The following CNTN6 variants were observed in gnomAD, a reference collection of about 807,000 sequenced individuals.
The protein encoded by CNTN6 is contactin 6.
CNTN6 carries 137 observed loss-of-function variants against 122.8 expected under a neutral mutation model. The observed-to-expected ratio is 1.12, with a 90% confidence interval of 0.97 to 1.29. The LOEUF (loss-of-function observed/expected upper bound fraction) is 1.29, where lower values mean the gene tolerates loss of function less well. Ranked by LOEUF, CNTN6 falls within the 50% of genes most tolerant of loss-of-function variation. The probability of loss-of-function intolerance (pLI) is 0.00; values close to 1 mark genes in which losing one functional copy is unlikely to be tolerated. For missense variants in CNTN6, 1,634 were observed against 1,223.4 expected (o/e 1.34, Z -5.01); for synonymous variants, 570 against 426.0 (o/e 1.34, Z -4.16).
chr3:1,159,303 T>A (rs533927389), intron 2 of CNTN6, among the ~76,000 whole-genome samples: 11 of 151,858 alleles, frequency 7.2e-5, no homozygotes, highest in African/African-American at 2.4e-4. Flanking sequence ...TACTAAGTGA[T>A]TAAAGGTGGG....
rs761410258 is a variant in CNTN6 at position 1,321,838 on chromosome 3, A to C, written c.946+4A>C. ...AAGGGTCAACTCATTTTTTATGGTG[A>C]GCTAATTGGATTTCAAATATATATA... On this transcript the variant is annotated splice_donor_region_variant and intron_variant, in intron 8 of 22. Transcript: ENST00000446702. 6.3e-7 allele frequency: 1 copy of C among 1,593,530 alleles called. No individual in the cohort carries two copies. Among genetic ancestry groups the C allele is most frequent in the Non-Finnish European group, 8.5e-7 (1 of 1,171,132 alleles).
chr3:1,404,209 G>A lies in CNTN6; in HGVS notation c.*791G>A, dbSNP rs562535759. 1 of 152,178 alleles carries A rather than the reference G, an allele frequency of 6.6e-6. No homozygotes were observed. The highest frequency in any genetic ancestry group is 1.9e-4 in the East Asian group (1 of 5,178). The allele number at this position is 152,178 out of a possible 1,614,324, so 9.4% of individuals were successfully genotyped here. A position where few individuals can be genotyped will look rare whatever the true frequency, so the allele number is the denominator to read the frequency against. ...CTTATTTTTATAATAAAACAATGTGGAAACAGAATTATTTGATCAAGTTTT... is the reference window on the plus strand; with the variant it reads ...CTTATTTTTATAATAAAACAATGTGAAAACAGAATTATTTGATCAAGTTTT... On this transcript the variant is annotated 3_prime_UTR_variant, in exon 23 of 23. Transcript: ENST00000446702.
intron 7 of CNTN6, among the ~76,000 whole-genome samples, chr3:1,318,261 A>G (rs1342788190): frequency 6.6e-6 from 1 of 151,706 alleles, no homozygotes; most frequent in Admixed American, 6.6e-5. Context: ...CTGCAGAGCA[A>G]TAAGTTCTCA....
chr3:1,307,610 C>A (rs580407), intron 7 of CNTN6, among the ~76,000 whole-genome samples: 3 of 151,910 alleles, frequency 2.0e-5, no homozygotes, highest in South Asian at 2.1e-4. Flanking sequence ...TTATGCCCTT[C>A]TATTCCAAGA....
intron 11 of CNTN6, among the ~76,000 whole-genome samples, chr3:1,333,192 G>T (rs918398262): frequency 6.6e-6 from 1 of 151,890 alleles, no homozygotes; most frequent in African/African-American, 2.4e-5. Context: ...TGCACATAAA[G>T]GTTGACTGGG....
Position 1,306,409 on chromosome 3 carries a change from C to G in CNTN6, c.761+8418C>G, listed in dbSNP as rs146086902. Among the ~76,000 whole-genome samples, 7 of 152,228 alleles carry G rather than the reference C, an allele frequency of 4.6e-5. No homozygotes were observed. In the East Asian group the frequency reaches 7.7e-4, roughly 17 times the overall value. ...ATCTGAGAACTAAAAAATCTTCAAG[C>G]CAATTATTCAGAAATTGAAAGATAA... On this transcript the variant is annotated intron_variant, in intron 7 of 22. Transcript: ENST00000446702.
At chr3:1,143,667 AC>A (rs1323850846) in intron 1 of CNTN6, among the ~76,000 whole-genome samples, 2 of 152,288 alleles carry the variant, frequency 1.3e-5, no homozygotes, top group African/African-American at 4.8e-5. Context: ...GGCAATTTAA[AC>A]TTTCACAAAT....
At chr3:1,276,495 G>T (rs3772316) in intron 4 of CNTN6, among the ~76,000 whole-genome samples, 3 of 151,920 alleles carry the variant, frequency 2.0e-5, no homozygotes, top group Non-Finnish European at 4.4e-5. Flanking sequence ...TGTATTGTAC[G>T]TACATAGCTC....
chr3:1,216,052 TC>T (rs2094126173), intron 2 of CNTN6, among the ~76,000 whole-genome samples: 1 of 152,186 alleles, frequency 6.6e-6, no homozygotes, highest in Admixed American at 6.5e-5. Flanking sequence ...GTAGCACTTT[TC>T]TAATGGGCTT....
intron 17 of CNTN6, among the ~76,000 whole-genome samples, chr3:1,379,148 A>C (rs1220602752): frequency 2.0e-5 from 3 of 151,994 alleles, no homozygotes; most frequent in African/African-American, 7.3e-5. Context: ...CCCAAATGCT[A>C]TGCATTCATT....
At chr3:1,239,625 T>C (rs2094458954) in intron 4 of CNTN6, among the ~76,000 whole-genome samples, 1 of 152,138 alleles carries the variant, frequency 6.6e-6, no homozygotes, top group Non-Finnish European at 1.5e-5. Flanking sequence ...GTCAGTGCAA[T>C]TCCCATCAAG....
Position 1,329,771 on chromosome 3 carries a change from G to A in CNTN6, c.1214-14G>A, listed in dbSNP as rs373082517. 1.9e-5 allele frequency: 31 copies of A among 1,599,108 alleles called. No individual in the cohort carries two copies. Among genetic ancestry groups the A allele is most frequent in the Middle Eastern group, 1.7e-4 (1 of 5,974 alleles). ...TGAGTAATTAAACAATTTTGTCTTTGATTTTGTTTTTAGCCTCAGCTCCAG... is the reference window on the plus strand; with the variant it reads ...TGAGTAATTAAACAATTTTGTCTTTAATTTTGTTTTTAGCCTCAGCTCCAG... On this transcript the variant is annotated splice_polypyrimidine_tract_variant and intron_variant, in intron 10 of 22. Transcript: ENST00000446702.
intron 12 of CNTN6, among the ~76,000 whole-genome samples, chr3:1,368,900 C>T (rs766059937): frequency 1.2e-4 from 19 of 152,166 alleles, no homozygotes; most frequent in Non-Finnish European, 2.1e-4. Flanking sequence ...AGACACCCCA[C>T]GCTTTCATTT....
intron 2 of CNTN6, among the ~76,000 whole-genome samples, chr3:1,212,665 C>T (rs1274892611): frequency 6.6e-6 from 1 of 151,860 alleles, no homozygotes; most frequent in Non-Finnish European, 1.5e-5. Context: ...ATTCTTAAAG[C>T]ACAAGTATTT....
chr3:1,151,143 T>C (rs1229302964), intron 2 of CNTN6, among the ~76,000 whole-genome samples: 1 of 152,154 alleles, frequency 6.6e-6, no homozygotes, highest in African/African-American at 2.4e-5. Flanking sequence ...GCCATAACAT[T>C]TTTGGTAACT....
chr3:1,304,827 T>A (rs2125903920), intron 7 of CNTN6, among the ~76,000 whole-genome samples: 1 of 151,332 alleles, frequency 6.6e-6, no homozygotes, highest in Middle Eastern at 3.4e-3. Flanking sequence ...CCCCCTTATC[T>A]ACAAAAAATA....
chr3:1,311,460 A>G (rs571294152), intron 7 of CNTN6, among the ~76,000 whole-genome samples: 34 of 98,320 alleles, frequency 3.5e-4, no homozygotes, highest in Non-Finnish European at 5.8e-4. Flanking sequence ...TTATATGTAC[A>G]TATATGTACA....
At chr3:1,297,868 A>C in intron 6 of CNTN6, 21 bp from the exon 7 acceptor site, 3 of 1,570,554 alleles carry the variant, frequency 1.9e-6, no homozygotes, top group Non-Finnish European at 2.6e-6. Flanking sequence ...AAATGCTGCT[A>C]GCTCTTTTGA....
chr3:1,293,756 C>T (rs1473965480), intron 5 of CNTN6, among the ~76,000 whole-genome samples: 1 of 152,098 alleles, frequency 6.6e-6, no homozygotes, highest in Non-Finnish European at 1.5e-5. Context: ...ACCCTGAGTA[C>T]CTATATACTC....
Sources: gnomAD v4.1 joint callset for allele counts (sites outside exome capture counted in the v4.1 genomes callset) on GRCh38, gnomAD v4.1.1 for gene constraint, MANE v1.5 for transcripts, NCBI Gene and HGNC (gene_info 2026-07-23, HGNC 2026-07-21) for gene names.